Variants in ABCC1 observed in about 807,000 individuals in gnomAD.
The protein encoded by ABCC1 is ATP binding cassette subfamily C member 1 (ABCC1 blood group).
In ABCC1, 83 loss-of-function variants were observed where a neutral mutation model predicts 172.9. The ratio of observed to expected loss-of-function variants is 0.48; its 90% CI spans 0.40 to 0.58. The LOEUF is 0.58. Ranked by LOEUF, ABCC1 falls within the 20% of genes least tolerant of loss-of-function variation. The pLI, the probability that ABCC1 is intolerant of heterozygous loss-of-function variation, is 0.00. For missense variants in ABCC1, 1,817 were observed against 2,002.7 expected (o/e 0.91, Z 1.77); for synonymous variants, 937 against 825.2 (o/e 1.14, Z -2.32).
At chr16:15,968,811 C>G (rs1389456739) in intron 1 of ABCC1, among the ~76,000 whole-genome samples, 1 of 152,146 alleles carries the variant, frequency 6.6e-6, no homozygotes, top group African/African-American at 2.4e-5. Context: ...CAGCCATGAC[C>G]TCTCAGGCTC....
At chr16:16,073,396 C>G (rs73519959) in intron 14 of ABCC1, among the ~76,000 whole-genome samples, 1 of 152,184 alleles carries the variant, frequency 6.6e-6, no homozygotes, top group Non-Finnish European at 1.5e-5. Flanking sequence ...TCTGTGTGCA[C>G]TGCCTCATAG....
intron 7 of ABCC1, among the ~76,000 whole-genome samples, chr16:16,038,545 G>A (rs546963262): frequency 3.9e-5 from 6 of 152,200 alleles, no homozygotes; most frequent in Admixed American, 1.3e-4. Flanking sequence ...CTGATTGGGC[G>A]GTGCCACCCA....
At chr16:16,135,937 A>G (rs559016805) in intron 28 of ABCC1, among the ~76,000 whole-genome samples, 39 of 151,966 alleles carry the variant, frequency 2.6e-4, no homozygotes, top group African/African-American at 9.2e-4. Context: ...TTCTCAACCC[A>G]CTTGCATATT....
intron 1 of ABCC1, among the ~76,000 whole-genome samples, chr16:15,982,353 G>T (rs200514799): frequency 1.3e-5 from 2 of 152,064 alleles, no homozygotes; most frequent in Non-Finnish European, 2.9e-5. Flanking sequence ...CTGCAGGGCT[G>T]GGGAGGCCTC....
chr16:16,036,728 G>A (rs892370472), intron 7 of ABCC1, 125 bp downstream of exon 7: 1 of 1,009,482 alleles, frequency 9.9e-7, no homozygotes, highest in Non-Finnish European at 1.5e-6. Flanking sequence ...TGGGCAAGAT[G>A]CCTCACTTCT....
chr16:16,104,216 G>C (rs1009281491), intron 20 of ABCC1, among the ~76,000 whole-genome samples: 3 of 152,270 alleles, frequency 2.0e-5, no homozygotes, highest in Non-Finnish European at 4.4e-5. Flanking sequence ...GTTTGGAAGG[G>C]TACCCCAGTA....
Position 16,136,518 on chromosome 16 carries a change from A to C in ABCC1, c.4166A>C (p.Asp1389Ala). The C allele has an allele frequency of 6.2e-7, 1 of 1,614,070 alleles. No homozygotes were observed. Among genetic ancestry groups the C allele is most frequent in the Non-Finnish European group, 8.5e-7 (1 of 1,180,012 alleles). Reference protein sequence around the residue: ...LFSGSLRMNLDPFSQYSDEEV... With the variant: ...LFSGSLRMNLAPFSQYSDEEV... ...TCGGGTTCCCTCCGAATGAACCTGG[A>C]CCCATTCAGCCAGTACTCGGATGAA... Residue 1389 changes from aspartate (D) to alanine (A), a missense_variant, in exon 29 of 31, where the codon GAC becomes GCC. Physicochemically the swap from Asp to Ala is moderately radical, Grantham distance 126. Transcript: ENST00000399410.
At chr16:16,120,807 G>A (rs1033091620) in intron 23 of ABCC1, among the ~76,000 whole-genome samples, 2 of 152,076 alleles carry the variant, frequency 1.3e-5, no homozygotes, top group East Asian at 1.9e-4. Context: ...GGCCATCGGA[G>A]GGGGGTGACG....
At chr16:15,994,295 C>T (rs2046976511) in intron 1 of ABCC1, among the ~76,000 whole-genome samples, 1 of 152,140 alleles carries the variant, frequency 6.6e-6, no homozygotes, top group South Asian at 2.1e-4. Flanking sequence ...TGGTGGATCT[C>T]AGTGTCAGAC....
At chr16:16,064,324 G>A (rs1337108475) in intron 12 of ABCC1, among the ~76,000 whole-genome samples, 2 of 152,250 alleles carry the variant, frequency 1.3e-5, no homozygotes, top group South Asian at 2.1e-4. Flanking sequence ...CAGCCTCTTC[G>A]GATTTCCAAA....
chr16:16,070,361 C>T (rs2050293388), intron 13 of ABCC1, among the ~76,000 whole-genome samples: 1 of 149,904 alleles, frequency 6.7e-6, no homozygotes, highest in Non-Finnish European at 1.5e-5. Flanking sequence ...GAGCAAGACT[C>T]TGTCTCAAAT....
Position 16,044,660 on chromosome 16 carries a change from T to C in ABCC1, c.1020T>C (p.Phe340=). 1 of 1,614,132 alleles carries C rather than the reference T, an allele frequency of 6.2e-7. No homozygotes were observed. The highest frequency in any genetic ancestry group is 8.5e-7 in the Non-Finnish European group (1 of 1,180,004). ...AGGCCATCCACGACCTGATGATGTT[T>C]TCCGGGCCGCAGATCTTAAAGTAAG... ...FFKAIHDLMM[F]SGPQILKLLI... is the part of the protein sequence containing the mutation. Residue 340 remains phenylalanine, a synonymous_variant, in exon 8 of 31, where the codon TTT becomes TTC. Transcript: ENST00000399410.
At chr16:16,029,315 C>A (rs1166244854) in intron 5 of ABCC1, among the ~76,000 whole-genome samples, 1 of 152,108 alleles carries the variant, frequency 6.6e-6, no homozygotes, top group Admixed American at 6.6e-5. Context: ...CTCTGCCTCC[C>A]GGGTTCAAGC....
chr16:15,991,340 T>G (rs569824770), intron 1 of ABCC1, among the ~76,000 whole-genome samples: 1 of 152,126 alleles, frequency 6.6e-6, no homozygotes, highest in Non-Finnish European at 1.5e-5. Flanking sequence ...TTCTCTTCTT[T>G]CCCTTTTCTT....
chr16:16,131,213 A>G (rs1408829970), intron 26 of ABCC1, among the ~76,000 whole-genome samples: 1 of 152,226 alleles, frequency 6.6e-6, no homozygotes, highest in Non-Finnish European at 1.5e-5. Context: ...GGCAGACAAA[A>G]ATGAACAACT....
chr16:16,049,373 C>T (rs1382816582), intron 10 of ABCC1, among the ~76,000 whole-genome samples: 2 of 152,296 alleles, frequency 1.3e-5, no homozygotes, highest in Admixed American at 6.5e-5. Flanking sequence ...CATGTCCTCT[C>T]CCATGGCAGA....
intron 12 of ABCC1, among the ~76,000 whole-genome samples, chr16:16,060,010 A>G (rs1428800069): frequency 1.3e-5 from 2 of 152,128 alleles, no homozygotes; most frequent in Non-Finnish European, 2.9e-5. Flanking sequence ...AAAAATAAAA[A>G]AAATGAAATC....
chr16:16,106,190 T>C (rs2052091675), intron 20 of ABCC1, among the ~76,000 whole-genome samples: 1 of 152,098 alleles, frequency 6.6e-6, no homozygotes, highest in Admixed American at 6.6e-5. Context: ...TAATGCTTTC[T>C]GAGTAACACG....
intron 24 of ABCC1, 55 bp from the exon 25 acceptor site, chr16:16,124,734 A>G (rs2045358913): frequency 3.1e-6 from 5 of 1,611,332 alleles, no homozygotes; most frequent in African/African-American, 1.3e-5. Flanking sequence ...CTGTAAGCCA[A>G]GTCTCTGTAG....
Sources: gnomAD v4.1 joint callset for allele counts (sites outside exome capture counted in the v4.1 genomes callset) on GRCh38, gnomAD v4.1.1 for gene constraint, MANE v1.5 for transcripts, NCBI Gene and HGNC (gene_info 2026-07-23, HGNC 2026-07-21) for gene names.